Variants in CERT1 observed in about 807,000 individuals in gnomAD.
CERT1 encodes ceramide transporter 1, also known as ceramide transfer protein.
Under a neutral mutation model 87.9 loss-of-function variants are expected in CERT1, and 31 were observed. That is an observed-to-expected ratio of 0.35 (90% CI 0.27 to 0.48). CERT1 has a LOEUF of 0.48. Ranked by LOEUF, CERT1 falls within the 20% of genes least tolerant of loss-of-function variation. The pLI is 0.99. For synonymous variants in CERT1, 289 were observed against 250.9 expected (o/e 1.15, Z -1.44); for missense variants, 487 against 758.0 (o/e 0.64, Z 4.20).
chr5:75,477,928 G>A (rs1008138242), intron 2 of CERT1, among the ~76,000 whole-genome samples: 3 of 151,956 alleles, frequency 2.0e-5, no homozygotes, highest in Admixed American at 2.0e-4. Flanking sequence ...AAGACCTGTG[G>A]GTAAATATGG....
rs957131635 is a variant in CERT1, at chr5:75,378,602, TAAAG to T, written c.*740_*743del. On this transcript the variant is annotated 3_prime_UTR_variant, in exon 17 of 17. Coordinates refer to ENST00000643780, the MANE Select transcript of CERT1 (RefSeq NM_001379029.1). ...GATGTTTTACACATCTCATGTCTTA[TAAAG>T]AAAGATAGTCAAGATACATTGTTAA... 20 of 152,104 alleles carry T rather than the reference TAAAG, an allele frequency of 1.3e-4. No homozygotes were observed. The highest frequency in any genetic ancestry group is 3.9e-4 in the Admixed American group (6 of 15,270). 9.4% of individuals were successfully genotyped at this position (152,104 alleles called of 1,614,324 possible).
intron 2 of CERT1, among the ~76,000 whole-genome samples, chr5:75,474,249 G>A (rs1765853881): frequency 6.6e-6 from 1 of 152,088 alleles, no homozygotes; most frequent in African/African-American, 2.4e-5. Context: ...CCTTTCATGT[G>A]AAATCTTTAG....
intron 8 of CERT1, among the ~76,000 whole-genome samples, chr5:75,408,876 G>T (rs10515195): frequency 6.6e-6 from 1 of 151,660 alleles, no homozygotes; most frequent in Admixed American, 6.6e-5. Flanking sequence ...ACTAGTAAAT[G>T]CATGTACCTA....
At chr5:75,451,481 G>A (rs763352682) in intron 3 of CERT1, among the ~76,000 whole-genome samples, 11 of 152,168 alleles carry the variant, frequency 7.2e-5, no homozygotes, top group South Asian at 4.1e-4. Context: ...ATGCAAATAG[G>A]TAAATGGAGA....
At chr5:75,502,331 G>A (rs10055011) in intron 2 of CERT1, among the ~76,000 whole-genome samples, 18,949 of 152,084 alleles carry the variant, frequency 0.12, 1,300 homozygotes, top group East Asian at 0.23. Flanking sequence ...GAGAAACAGA[G>A]GCACTCATTC....
intron 2 of CERT1, among the ~76,000 whole-genome samples, chr5:75,491,024 T>C (rs1449490875): frequency 1.3e-5 from 2 of 152,172 alleles, no homozygotes; most frequent in African/African-American, 2.4e-5. Flanking sequence ...TGTATACTAA[T>C]AGTTTTCTTT....
chr5:75,503,873 T>TAATTTAAATTAAACATTTAAATTAAA (rs1458397314), intron 2 of CERT1, among the ~76,000 whole-genome samples: 37 of 38,358 alleles, frequency 9.6e-4, no homozygotes, highest in Middle Eastern at 0.017. Flanking sequence ...TTTAAATTTT[T>TAATTTAAATTAAACATTTAAATTAAA]TGTTTAATTT....
intron 8 of CERT1, among the ~76,000 whole-genome samples, chr5:75,408,738 T>G (rs1762811567): frequency 6.6e-6 from 1 of 151,988 alleles, no homozygotes; most frequent in South Asian, 2.1e-4. Context: ...CACAATATAC[T>G]CATGTAACAA....
At chr5:75,457,748 TTGGGTGTG>T (rs1765047836) in intron 3 of CERT1, among the ~76,000 whole-genome samples, 1 of 151,896 alleles carries the variant, frequency 6.6e-6, no homozygotes, top group Non-Finnish European at 1.5e-5. Context: ...CTGGTTTTTC[TTGGGTGTG>T]TGGGTGTAGG....
intron 1 of CERT1, among the ~76,000 whole-genome samples, chr5:75,507,501 C>T (rs1767708146): frequency 6.6e-6 from 1 of 152,134 alleles, no homozygotes. Context: ...TCCCAATCAC[C>T]ATTTCCTTAT....
chr5:75,490,493 ATTT>A (rs1399927302), intron 2 of CERT1, among the ~76,000 whole-genome samples: 1 of 149,080 alleles, frequency 6.7e-6, no homozygotes, highest in Non-Finnish European at 1.5e-5. Context: ...CCTGTACGAA[ATTT>A]TTATTTATTT....
intron 3 of CERT1, among the ~76,000 whole-genome samples, chr5:75,428,426 C>G (rs1561255714): frequency 6.6e-6 from 1 of 152,158 alleles, no homozygotes; most frequent in African/African-American, 2.4e-5. Flanking sequence ...CGCCTGTAAT[C>G]CCAGCACTTT....
chr5:75,469,450 T>C (rs1765616443), intron 2 of CERT1, among the ~76,000 whole-genome samples: 1 of 152,082 alleles, frequency 6.6e-6, no homozygotes, highest in Non-Finnish European at 1.5e-5. Flanking sequence ...TGGTAAAGAA[T>C]ATGCAATAAT....
intron 8 of CERT1, 75 bp downstream of exon 8, chr5:75,410,936 G>T: frequency 1.4e-6 from 1 of 735,032 alleles, no homozygotes; most frequent in South Asian, 1.9e-5. Flanking sequence ...AAGGTTACAA[G>T]AGTATTATTA....
At chr5:75,452,231 C>T (rs1035509691) in intron 3 of CERT1, among the ~76,000 whole-genome samples, 1 of 152,010 alleles carries the variant, frequency 6.6e-6, no homozygotes, top group Non-Finnish European at 1.5e-5. Context: ...TAAAAATTAC[C>T]ATTTGGATTC....
At chr5:75,455,940 A>C (rs568369167) in intron 3 of CERT1, among the ~76,000 whole-genome samples, 2 of 152,284 alleles carry the variant, frequency 1.3e-5, no homozygotes, top group Admixed American at 1.3e-4. Context: ...AAAACACATA[A>C]AGCACTTAAT....
chr5:75,404,291 TAAAAAAAAAAA>T (rs11349407), intron 8 of CERT1, among the ~76,000 whole-genome samples: 1 of 84,064 alleles, frequency 1.2e-5, no homozygotes, highest in Non-Finnish European at 2.5e-5. Flanking sequence ...ACCTACTTCA[TAAAAAAAAAAA>T]AAAAAAAAAA....
At chr5:75,492,973 G>C (rs1312642491) in intron 2 of CERT1, among the ~76,000 whole-genome samples, 1 of 152,222 alleles carries the variant, frequency 6.6e-6, no homozygotes, top group African/African-American at 2.4e-5. Flanking sequence ...GCAGGCCTGA[G>C]AATCTGCATT....
chr5:75,384,263 G>A (rs1761699267), intron 14 of CERT1, among the ~76,000 whole-genome samples: 1 of 152,230 alleles, frequency 6.6e-6, no homozygotes, highest in East Asian at 1.9e-4. Context: ...AGCTAAGAGT[G>A]TGGCATACAC....
Sources: allele counts gnomAD v4.1 joint callset (sites outside exome capture counted in the v4.1 genomes callset), GRCh38; gene constraint gnomAD v4.1.1; transcripts MANE v1.5; gene names NCBI Gene and HGNC (gene_info 2026-07-23, HGNC 2026-07-21).